PDZRN4: variants seen among roughly 807,000 people sequenced by gnomAD.
PDZRN4 encodes PDZ domain containing ring finger 4, also known as PDZ domain-containing RING finger protein 4.
A neutral mutation model predicts 99.0 loss-of-function variants in PDZRN4; 70 were observed. The ratio of observed to expected loss-of-function variants is 0.71; its 90% CI spans 0.58 to 0.86. The LOEUF is 0.86. Among genes scored for constraint, PDZRN4 ranks in the 40% least tolerant of loss-of-function variants. PDZRN4 has a pLI of 0.00. For synonymous variants in PDZRN4, 551 were observed against 501.6 expected (o/e 1.10, Z -1.32); for missense variants, 1,474 against 1,331.2 (o/e 1.11, Z -1.67).
chr12:41,481,085 T>C (rs1937666013), intron 3 of PDZRN4, among the ~76,000 whole-genome samples: 1 of 152,024 alleles, frequency 6.6e-6, no homozygotes, highest in Admixed American at 6.6e-5. Context: ...TCCAAATGCA[T>C]GAACCCCAAA....
chr12:41,508,504 A>G (rs1424865657), intron 4 of PDZRN4, among the ~76,000 whole-genome samples: 2 of 152,184 alleles, frequency 1.3e-5, no homozygotes, highest in Non-Finnish European at 2.9e-5. Flanking sequence ...GCCACTAAAT[A>G]AACGTCGAAT....
At position 41,188,843 on chromosome 12, in the gene PDZRN4, C is replaced by CG. The variant is rs1203008747; in HGVS notation, c.395dup (p.Cys133LeufsTer89). The CG allele has an allele frequency of 1.0e-5, 13 of 1,266,756 alleles. No individual in the cohort carries two copies. The highest frequency in any genetic ancestry group is 5.3e-5 in the South Asian group (2 of 37,904). The allele number at this position is 1,266,756 out of a possible 1,614,324, so 78.5% of individuals were successfully genotyped here. On this transcript the variant is annotated frameshift_variant, in exon 1 of 10. Coordinates refer to ENST00000402685, the MANE Select transcript of PDZRN4 (RefSeq NM_001164595.2). LOFTEE classifies it high-confidence loss of function. ...GCTGGGCGGTGGTGAGGTGCCCGCGCGGGGGGGCTGCGGTCCGACACCCAG... is the reference window on the plus strand; with the variant it reads ...GCTGGGCGGTGGTGAGGTGCCCGCGCGGGGGGGGCTGCGGTCCGACACCCAG...
intron 3 of PDZRN4, among the ~76,000 whole-genome samples, chr12:41,381,279 T>A (rs2121101582): frequency 1.3e-5 from 2 of 152,294 alleles, no homozygotes; most frequent in South Asian, 2.1e-4. Flanking sequence ...ATTTGGAGAA[T>A]TTCTTTAAAT....
intron 7 of PDZRN4, among the ~76,000 whole-genome samples, chr12:41,556,096 T>C (rs1407432737): frequency 6.6e-6 from 1 of 152,202 alleles, no homozygotes; most frequent in Non-Finnish European, 1.5e-5. Flanking sequence ...TAACCTATTG[T>C]TGTTGTGAAT....
chr12:41,502,815 G>T (rs1057341566), intron 3 of PDZRN4, among the ~76,000 whole-genome samples: 1 of 151,938 alleles, frequency 6.6e-6, no homozygotes, highest in Non-Finnish European at 1.5e-5. Flanking sequence ...GAATATAGTG[G>T]TAAAGAAATA....
At chr12:41,196,865 A>G (rs1320165663) in intron 3 of PDZRN4, among the ~76,000 whole-genome samples, 1 of 152,082 alleles carries the variant, frequency 6.6e-6, no homozygotes, top group Non-Finnish European at 1.5e-5. Context: ...AGATTTGTTC[A>G]TTGAACAAAT....
At chr12:41,468,376 T>C (rs751488827) in intron 3 of PDZRN4, among the ~76,000 whole-genome samples, 19 of 152,184 alleles carry the variant, frequency 1.2e-4, no homozygotes, top group South Asian at 1.0e-3. Context: ...GGGAATGTTT[T>C]CCCTTTAAAA....
intron 3 of PDZRN4, among the ~76,000 whole-genome samples, chr12:41,322,576 C>T (rs558499810): frequency 2.7e-4 from 38 of 140,770 alleles, no homozygotes; most frequent in Non-Finnish European, 5.0e-4. Context: ...CTGCAAGCTC[C>T]GCCTCCCTGG....
chr12:41,519,178 G>A (rs1368009447), intron 5 of PDZRN4, among the ~76,000 whole-genome samples: 1 of 151,902 alleles, frequency 6.6e-6, no homozygotes, highest in Non-Finnish European at 1.5e-5. Context: ...ATGAAATCAG[G>A]AAATGCCTCC....
At chr12:41,227,808 C>CA (rs1951003973) in intron 3 of PDZRN4, among the ~76,000 whole-genome samples, 1 of 148,952 alleles carries the variant, frequency 6.7e-6, no homozygotes, top group South Asian at 2.1e-4. Context: ...GATAATGAAA[C>CA]AAAATGGCCA....
intron 3 of PDZRN4, among the ~76,000 whole-genome samples, chr12:41,267,994 C>T (rs1951290225): frequency 6.6e-6 from 1 of 152,172 alleles, no homozygotes; most frequent in African/African-American, 2.4e-5. Flanking sequence ...AAGCCAGAGA[C>T]CTCTACTCTG....
chr12:41,301,052 T>C (rs1010406016), intron 3 of PDZRN4, among the ~76,000 whole-genome samples: 2 of 152,076 alleles, frequency 1.3e-5, no homozygotes, highest in Admixed American at 6.6e-5. Flanking sequence ...CAATTCTAAA[T>C]GTTGACCTTA....
chr12:41,319,754 T>C (rs1416972790), intron 3 of PDZRN4, among the ~76,000 whole-genome samples: 1 of 152,172 alleles, frequency 6.6e-6, no homozygotes, highest in Non-Finnish European at 1.5e-5. Flanking sequence ...TAAACGTTCC[T>C]AGAGGTAAAA....
At chr12:41,429,918 T>C (rs546624176) in intron 3 of PDZRN4, among the ~76,000 whole-genome samples, 2 of 152,250 alleles carry the variant, frequency 1.3e-5, no homozygotes, top group Non-Finnish European at 2.9e-5. Flanking sequence ...AAAATAGTGA[T>C]AGTAGCATTC....
chr12:41,514,618 C>CAT (rs1326274260), intron 5 of PDZRN4, among the ~76,000 whole-genome samples: 2 of 152,058 alleles, frequency 1.3e-5, no homozygotes, highest in Non-Finnish European at 2.9e-5. Flanking sequence ...GTCTGTTTCA[C>CAT]AGTGGGTGCT....
At chr12:41,280,196 T>G (rs1247678749) in intron 3 of PDZRN4, among the ~76,000 whole-genome samples, 4 of 152,136 alleles carry the variant, frequency 2.6e-5, no homozygotes, top group Admixed American at 6.5e-5. Flanking sequence ...ATACTATGCT[T>G]TTCCCAGGGT....
intron 3 of PDZRN4, among the ~76,000 whole-genome samples, 195 bp from the exon 4 acceptor site, chr12:41,506,261 G>T (rs1032425387): frequency 1.3e-5 from 2 of 152,236 alleles, no homozygotes; most frequent in South Asian, 2.1e-4. Context: ...AGATACAGAA[G>T]TAATTGTTGT....
At chr12:41,232,975 A>T (rs1298163688) in intron 3 of PDZRN4, among the ~76,000 whole-genome samples, 1 of 151,964 alleles carries the variant, frequency 6.6e-6, no homozygotes, top group African/African-American at 2.4e-5. Context: ...GATCAGATAG[A>T]TGTAGATATG....
chr12:41,261,714 C>T (rs1483534621), intron 3 of PDZRN4, among the ~76,000 whole-genome samples: 3 of 152,172 alleles, frequency 2.0e-5, no homozygotes, highest in African/African-American at 7.2e-5. Flanking sequence ...TGGTCTCGAT[C>T]TCCTGACCTC....
Sources: allele counts gnomAD v4.1 joint callset (sites outside exome capture counted in the v4.1 genomes callset), GRCh38; gene constraint gnomAD v4.1.1; transcripts MANE v1.5; gene names NCBI Gene and HGNC (gene_info 2026-07-23, HGNC 2026-07-21).